ESRRG: variants seen among roughly 807,000 people sequenced by gnomAD.
The protein encoded by ESRRG is estrogen related receptor gamma.
ESRRG carries 13 observed loss-of-function variants against 44.0 expected under a neutral mutation model. That is an observed-to-expected ratio of 0.30 (90% CI 0.19 to 0.47). The LOEUF (loss-of-function observed/expected upper bound fraction) is 0.47, where lower values mean the gene tolerates loss of function less well. Among genes scored for constraint, ESRRG ranks in the 20% least tolerant of loss-of-function variants. ESRRG has a pLI of 1.00. For missense variants in ESRRG, 395 were observed against 580.6 expected (o/e 0.68, Z 3.29); for synonymous variants, 215 against 214.6 (o/e 1.00, Z -0.02).
At chr1:216,845,533 A>G (rs1195104821) in intron 2 of ESRRG, among the ~76,000 whole-genome samples, 1 of 152,118 alleles carries the variant, frequency 6.6e-6, no homozygotes, top group Non-Finnish European at 1.5e-5. Flanking sequence ...ACAAAATTGG[A>G]AAACAGGTAT....
intron 5 of ESRRG, among the ~76,000 whole-genome samples, chr1:216,540,137 C>G (rs961170500): frequency 1.3e-5 from 2 of 151,914 alleles, no homozygotes; most frequent in South Asian, 2.1e-4. Flanking sequence ...ATAGAGGTAG[C>G]CTTGTGAGCC....
chr1:216,697,204 G>A (rs2080346909), intron 1 of ESRRG, among the ~76,000 whole-genome samples: 1 of 152,100 alleles, frequency 6.6e-6, no homozygotes, highest in South Asian at 2.1e-4. Context: ...GACCTCAAGT[G>A]ATCCACCCGC....
chr1:216,513,485 A>G (rs1247650834), intron 6 of ESRRG, among the ~76,000 whole-genome samples: 1 of 152,148 alleles, frequency 6.6e-6, no homozygotes, highest in African/African-American at 2.4e-5. Context: ...CTCTCCATTA[A>G]GATACTGTTA....
upstream of ESRRG, among the ~76,000 whole-genome samples, chr1:216,725,703 C>A (rs12065412): frequency 0.073 from 11,051 of 151,622 alleles, 458 homozygotes; most frequent in African/African-American, 0.094. Flanking sequence ...CACACACACA[C>A]AAAAAAGAAA....
At chr1:217,130,891 G>T (rs1417349249) in intron 1 of ESRRG, among the ~76,000 whole-genome samples, 2 of 118,858 alleles carry the variant, frequency 1.7e-5, no homozygotes, top group East Asian at 2.2e-4. Flanking sequence ...GCCTTTTATT[G>T]TCTTTTTTTT....
intron 1 of ESRRG, among the ~76,000 whole-genome samples, chr1:217,012,757 C>CA (rs1553771509): frequency 9.2e-5 from 14 of 152,030 alleles, no homozygotes; most frequent in Non-Finnish European, 2.1e-4. Flanking sequence ...ATCCCTGCTC[C>CA]TTTTTTTTCT....
intron 1 of ESRRG, among the ~76,000 whole-genome samples, chr1:217,023,283 G>T (rs2080652282): frequency 6.6e-6 from 1 of 152,062 alleles, no homozygotes; most frequent in African/African-American, 2.4e-5. Context: ...AAACCAATAA[G>T]GCCCATCTGG....
chr1:217,094,739 G>T (rs993058576), intron 1 of ESRRG, among the ~76,000 whole-genome samples: 1 of 152,160 alleles, frequency 6.6e-6, no homozygotes, highest in South Asian at 2.1e-4. Flanking sequence ...ATTTCACAAG[G>T]TCCTGTAGCT....
intron 3 of ESRRG, among the ~76,000 whole-genome samples, chr1:216,644,579 C>G (rs977728509): frequency 6.6e-6 from 1 of 151,868 alleles, no homozygotes; most frequent in Non-Finnish European, 1.5e-5. Flanking sequence ...CAGGTGTGTG[C>G]CACCACACCT....
chr1:216,898,359 T>A (rs547276588), intron 2 of ESRRG, among the ~76,000 whole-genome samples: 12 of 152,204 alleles, frequency 7.9e-5, no homozygotes, highest in Non-Finnish European at 1.5e-4. Context: ...GGCTCACGCC[T>A]GTAATCCCAG....
In ESRRG at chr1:216,677,079, G is replaced by T; in HGVS notation, c.469C>A (p.Gln157Lys). The change falls in exon 2 of 7, where the codon CAA becomes AAA. Residue 157 changes from glutamine to lysine, a missense_variant. Gln to Lys is a moderately conservative substitution (Grantham distance 53). This residue lies in a region of ESRRG where 35 missense variants were observed against 120.1 expected (regional missense o/e 0.29). Transcript: ENST00000408911. The stretch of plus-strand genomic sequence containing the variant: ...TATTCCCAGGTCCGACACTAACCTT[G>T]AATTGTCCTCTTGAAGAATGCCTTG... Reference protein sequence around the residue: ...ACKAFFKRTIQGNIEYSCPAT... With the variant: ...ACKAFFKRTIKGNIEYSCPAT... The T allele has an allele frequency of 6.2e-7, 1 of 1,612,984 alleles. No individual in the cohort carries two copies. Among genetic ancestry groups the T allele is most frequent in the South Asian group, 1.1e-5 (1 of 91,018 alleles).
chr1:217,051,303 C>A (rs2085994451), intron 1 of ESRRG, among the ~76,000 whole-genome samples: 1 of 151,402 alleles, frequency 6.6e-6, no homozygotes, highest in Non-Finnish European at 1.5e-5. Flanking sequence ...AAGCTCCAGG[C>A]AACCTTAGGC....
intron 1 of ESRRG, among the ~76,000 whole-genome samples, chr1:217,114,297 T>C (rs1181516763): frequency 6.6e-6 from 1 of 151,942 alleles, no homozygotes; most frequent in Non-Finnish European, 1.5e-5. Flanking sequence ...CCCTCACACC[T>C]GTGGTCTCTG....
At chr1:216,844,796 G>A (rs918860274) in intron 2 of ESRRG, among the ~76,000 whole-genome samples, 1 of 151,742 alleles carries the variant, frequency 6.6e-6, no homozygotes, top group African/African-American at 2.4e-5. Flanking sequence ...GTGCACACAT[G>A]CATGCAAATT....
At chr1:216,910,716 A>G (rs2060208912) in intron 2 of ESRRG, among the ~76,000 whole-genome samples, 1 of 152,172 alleles carries the variant, frequency 6.6e-6, no homozygotes, top group Non-Finnish European at 1.5e-5. Flanking sequence ...ATTATACATC[A>G]CTGACTATAT....
At chr1:216,933,121 T>TTTA (rs2063614759) in intron 2 of ESRRG, among the ~76,000 whole-genome samples, 1 of 152,152 alleles carries the variant, frequency 6.6e-6, no homozygotes, top group Admixed American at 6.5e-5. Flanking sequence ...GATTAAATGA[T>TTTA]TTATTATATT....
intron 5 of ESRRG, among the ~76,000 whole-genome samples, chr1:216,560,867 A>C (rs1188169005): frequency 6.6e-6 from 1 of 152,206 alleles, no homozygotes; most frequent in Non-Finnish European, 1.5e-5. Context: ...AAAAAGAGTC[A>C]GGCAGATAGG....
In ESRRG at chr1:217,074,048, C is replaced by CTT. The variant is rs1181569293; in HGVS notation, c.-106+15457_-106+15458dup. ...TTTAGGATTAGTGTAATTATGAATGCTTTTTTTTTTTTTTTTTGAGACAGA... is the reference window on the plus strand; with the variant it reads ...TTTAGGATTAGTGTAATTATGAATGCTTTTTTTTTTTTTTTTTTTGAGACAGA... On this transcript the variant is annotated intron_variant, in intron 1 of 7. Transcript: ENST00000359162. Among the ~76,000 whole-genome samples, 830 of 134,380 alleles carry CTT rather than the reference C, an allele frequency of 6.2e-3. 15 individuals are homozygous for CTT. Among genetic ancestry groups the CTT allele is most frequent in the African/African-American group, 0.021 (768 of 36,408 alleles). 88.2% of individuals were successfully genotyped at this position (134,380 alleles called of 152,430 possible). A position where few individuals can be genotyped will look rare whatever the true frequency, so the allele number is the denominator to read the frequency against.
At chr1:216,682,823 T>A (rs2077261007) in intron 1 of ESRRG, among the ~76,000 whole-genome samples, 1 of 151,674 alleles carries the variant, frequency 6.6e-6, no homozygotes, top group Non-Finnish European at 1.5e-5. Context: ...CCCCAGCAGC[T>A]CCCATGGCAG....
Sources: gnomAD v4.1 joint callset for allele counts (sites outside exome capture counted in the v4.1 genomes callset) on GRCh38, gnomAD v4.1.1 for gene constraint, gnomAD v4.1.1 regional missense constraint, MANE v1.5 for transcripts, NCBI Gene and HGNC (gene_info 2026-07-23, HGNC 2026-07-21) for gene names.